The following GRIK2 variants were observed in gnomAD, a reference collection of about 807,000 sequenced individuals.
The protein encoded by GRIK2 is glutamate receptor ionotropic, kainate 2.
GRIK2 carries 32 observed loss-of-function variants against 100.3 expected under a neutral mutation model. The ratio of observed to expected loss-of-function variants is 0.32; its 90% CI spans 0.24 to 0.43. The LOEUF (loss-of-function observed/expected upper bound fraction) is 0.43. Among genes scored for constraint, GRIK2 ranks in the 20% least tolerant of loss-of-function variants. The pLI, the probability that GRIK2 is intolerant of heterozygous loss-of-function variation, is 1.00. For missense variants in GRIK2, 843 were observed against 1,114.9 expected (o/e 0.76, Z 3.47); for synonymous variants, 417 against 389.4 (o/e 1.07, Z -0.83).
At chr6:101,445,618 C>G (rs958628878) in intron 2 of GRIK2, among the ~76,000 whole-genome samples, 4 of 152,144 alleles carry the variant, frequency 2.6e-5, no homozygotes, top group Non-Finnish European at 4.4e-5. Context: ...TTTCCATTGC[C>G]CTAGTTATTC....
Position 101,633,815 on chromosome 6 carries a change from A to T in GRIK2, c.541+7178A>T, listed in dbSNP as rs182418324. ...AAACAGAAGAAACACGTAGCTTGTA[A>T]TCCCACTATTTTAATATGAGAAAAC... On this transcript the variant is annotated intron_variant, in intron 4 of 16. Transcript: ENST00000369134. Among the ~76,000 whole-genome samples the T allele has an allele frequency of 3.9e-4, 59 of 152,248 alleles. 1 individual carries two copies. Among genetic ancestry groups the T allele is most frequent in the Non-Finnish European group, 6.0e-4 (41 of 68,008 alleles).
At position 102,048,041 on chromosome 6, in the gene GRIK2, T is replaced by C. The variant is rs1455373065; in HGVS notation, c.2312-7289T>C. On this transcript the variant is annotated intron_variant, in intron 15 of 16. Coordinates refer to ENST00000369134, the MANE Select transcript of GRIK2 (RefSeq NM_021956.5). ...ATAGACATATTGACCAATGGAACTG[T>C]ATGGAGGGTGCAGAAATGAACCCAC... Among the ~76,000 whole-genome samples, 4 of 144,206 alleles carry C rather than the reference T, an allele frequency of 2.8e-5. No individual in the cohort carries two copies. The East Asian group carries it at 8.3e-4, about 30-fold the overall frequency. The allele number at this position is 144,206 out of a possible 152,430, so 94.6% of individuals were successfully genotyped here. A position where few individuals can be genotyped will look rare whatever the true frequency, so the allele number is the denominator to read the frequency against.
At chr6:101,691,951 C>G (rs1772128742) in intron 7 of GRIK2, among the ~76,000 whole-genome samples, 1 of 145,934 alleles carries the variant, frequency 6.9e-6, no homozygotes, top group South Asian at 2.1e-4. Flanking sequence ...ATGTGGGAGG[C>G]TGAGGTGGGA....
At position 101,890,692 on chromosome 6, in the gene GRIK2, G is replaced by A. The variant is rs147976742; in HGVS notation, c.1748+829G>A. Among the ~76,000 whole-genome samples, 218 of 151,568 alleles carry A rather than the reference G, an allele frequency of 1.4e-3. 1 individual carries two copies. The highest frequency in any genetic ancestry group is 5.1e-3 in the African/African-American group (213 of 41,366). On this transcript the variant is annotated intron_variant, in intron 12 of 16. Transcript: ENST00000369134. Reference sequence around the variant, plus strand: ...GATGGTATTACTTTATTTTACTCTCGGAGGTGTAAATTTATAATCATGTTT... The same window carrying A: ...GATGGTATTACTTTATTTTACTCTCAGAGGTGTAAATTTATAATCATGTTT...
At chr6:101,960,414 G>T (rs946023847) in intron 14 of GRIK2, among the ~76,000 whole-genome samples, 2 of 151,898 alleles carry the variant, frequency 1.3e-5, no homozygotes, top group Non-Finnish European at 2.9e-5. Context: ...GTTTTTCCAT[G>T]GTGCCATAGT....
At chr6:101,609,876 G>T (rs928533945) in intron 2 of GRIK2, among the ~76,000 whole-genome samples, 4 of 151,792 alleles carry the variant, frequency 2.6e-5, no homozygotes, top group Admixed American at 1.3e-4. Context: ...TCTATATGAG[G>T]AATAGATAGA....
intron 7 of GRIK2, among the ~76,000 whole-genome samples, chr6:101,693,135 G>A (rs548256902): frequency 6.6e-6 from 1 of 152,174 alleles, no homozygotes; most frequent in East Asian, 1.9e-4. Context: ...CAGCATTTAA[G>A]CATCTAAAAT....
intron 14 of GRIK2, among the ~76,000 whole-genome samples, chr6:102,019,734 G>A (rs913215841): frequency 1.3e-5 from 2 of 151,950 alleles, no homozygotes; most frequent in African/African-American, 2.4e-5. Flanking sequence ...ATCACAGCAA[G>A]AGCATTGCTC....
At position 101,804,677 on chromosome 6, in the gene GRIK2, T is replaced by C. The variant is rs145736547; in HGVS notation, c.1203+2239T>C. ...CAAGTAGGGGAATTACTAGTAGAAA[T>C]AAACTGGCATAAACCTTCCCCTGAA... On this transcript the variant is annotated intron_variant, in intron 9 of 16. Coordinates refer to ENST00000369134, the MANE Select transcript of GRIK2 (RefSeq NM_021956.5). 2.8e-4 allele frequency among the ~76,000 whole-genome samples: 42 copies of C among 151,930 alleles called. No homozygotes were observed. In the East Asian group the frequency reaches 7.9e-3, roughly 29 times the overall value.
At chr6:101,500,201 A>T (rs1773675525) in intron 2 of GRIK2, among the ~76,000 whole-genome samples, 2 of 152,128 alleles carry the variant, frequency 1.3e-5, no homozygotes, top group Non-Finnish European at 2.9e-5. Flanking sequence ...GTATACATAG[A>T]AAGGTTGTGT....
chr6:101,646,564 A>G (rs1781536083), intron 4 of GRIK2, among the ~76,000 whole-genome samples: 1 of 152,016 alleles, frequency 6.6e-6, no homozygotes, highest in Non-Finnish European at 1.5e-5. Flanking sequence ...TAATTAGAAT[A>G]AAATTGAAAA....
intron 15 of GRIK2, among the ~76,000 whole-genome samples, chr6:102,039,816 ATAT>A (rs1770472144): frequency 6.6e-6 from 1 of 151,526 alleles, no homozygotes; most frequent in African/African-American, 2.4e-5. Context: ...TTTGGTAGAA[ATAT>A]TATCAAATGA....
intron 7 of GRIK2, among the ~76,000 whole-genome samples, chr6:101,784,837 A>G (rs1261694549): frequency 6.6e-6 from 1 of 152,188 alleles, no homozygotes; most frequent in Non-Finnish European, 1.5e-5. Context: ...AACTGATTCA[A>G]TTAAACCTCT....
At chr6:101,441,664 G>A (rs974734106) in intron 2 of GRIK2, among the ~76,000 whole-genome samples, 1 of 151,960 alleles carries the variant, frequency 6.6e-6, no homozygotes, top group Non-Finnish European at 1.5e-5. Context: ...AGGTTCCAGG[G>A]GTATGTGTGC....
chr6:101,967,643 T>C (rs895118591), intron 14 of GRIK2, among the ~76,000 whole-genome samples: 13 of 152,186 alleles, frequency 8.5e-5, no homozygotes, highest in Non-Finnish European at 1.6e-4. Flanking sequence ...AAAAACTTTC[T>C]AGTCCGGATA....
chr6:101,486,591 T>G lies in GRIK2; in HGVS notation c.115+87199T>G, dbSNP rs1320691868. 3.9e-5 allele frequency among the ~76,000 whole-genome samples: 6 copies of G among 152,082 alleles called. No individual in the cohort carries two copies. The East Asian group carries it at 1.2e-3, about 29-fold the overall frequency. ...TTTGGTGGATGAAGGGAGACCAAAT[T>G]GGAGGGGGAGAGCCCTTAATGATCT... On this transcript the variant is annotated intron_variant, in intron 2 of 16. Coordinates refer to ENST00000369134, the MANE Select transcript of GRIK2 (RefSeq NM_021956.5).
intron 15 of GRIK2, among the ~76,000 whole-genome samples, chr6:102,042,018 A>C (rs1770607162): frequency 6.6e-6 from 1 of 151,648 alleles, no homozygotes; most frequent in African/African-American, 2.4e-5. Flanking sequence ...CAATCAGTAT[A>C]TTGTAATTAG....
intron 14 of GRIK2, among the ~76,000 whole-genome samples, chr6:101,950,526 G>A (rs1235377415): frequency 1.3e-5 from 2 of 152,044 alleles, no homozygotes; most frequent in African/African-American, 4.8e-5. Flanking sequence ...CCTTAAATCT[G>A]ATACTCTGAA....
At position 101,639,610 on chromosome 6, in the gene GRIK2, A is replaced by G. The variant is rs2245890; in HGVS notation, c.541+12973A>G. On this transcript the variant is annotated intron_variant, in intron 4 of 16. Transcript: ENST00000369134. ...CATCTCAATACATGCATACATACATACATACATACATACATACACACAGTT... is the reference window on the plus strand; with the variant it reads ...CATCTCAATACATGCATACATACATGCATACATACATACATACACACAGTT... 2.7e-3 allele frequency among the ~76,000 whole-genome samples: 404 copies of G among 152,166 alleles called. 2 individuals are homozygous for G. Among genetic ancestry groups the G allele is most frequent in the African/African-American group, 9.5e-3 (394 of 41,494 alleles).
Sources: gnomAD v4.1 joint callset for allele counts (sites outside exome capture counted in the v4.1 genomes callset) on GRCh38, gnomAD v4.1.1 for gene constraint, MANE v1.5 for transcripts, NCBI Gene and HGNC (gene_info 2026-07-23, HGNC 2026-07-21) for gene names.